Variants in TCERG1L observed in about 807,000 individuals in gnomAD.
TCERG1L encodes transcription elongation regulator 1-like protein.
A neutral mutation model predicts 56.3 loss-of-function variants in TCERG1L; 37 were observed. That is an observed-to-expected ratio of 0.66 (90% CI 0.51 to 0.87). TCERG1L has a LOEUF of 0.87. Ranked by LOEUF, TCERG1L falls within the 40% of genes least tolerant of loss-of-function variation. The probability of loss-of-function intolerance (pLI) is 0.00; values close to 1 mark genes in which losing one functional copy is unlikely to be tolerated. For missense variants in TCERG1L, 799 were observed against 774.2 expected (o/e 1.03, Z -0.38); for synonymous variants, 324 against 326.3 (o/e 0.99, Z 0.08).
intron 5 of TCERG1L, among the ~76,000 whole-genome samples, chr10:131,165,169 C>T (rs4751335): frequency 0.42 from 63,488 of 152,038 alleles, 14,178 homozygotes; most frequent in Non-Finnish European, 0.51. Context: ...AGTGAAGCTG[C>T]GTCTTGGTGA....
chr10:131,251,843 T>C (rs972223871), intron 4 of TCERG1L, among the ~76,000 whole-genome samples: 2 of 152,196 alleles, frequency 1.3e-5, no homozygotes, highest in African/African-American at 4.8e-5. Context: ...ATTAAACACA[T>C]TGGCAGTACT....
intron 4 of TCERG1L, among the ~76,000 whole-genome samples, chr10:131,189,597 T>A (rs1845283312): frequency 2.0e-5 from 3 of 152,234 alleles, no homozygotes; most frequent in Admixed American, 2.0e-4. Flanking sequence ...GACACTTAGG[T>A]TGATTCCATA....
At chr10:131,110,385 G>A (rs1013727409) in intron 9 of TCERG1L, among the ~76,000 whole-genome samples, 2 of 152,156 alleles carry the variant, frequency 1.3e-5, no homozygotes, top group Non-Finnish European at 2.9e-5. Flanking sequence ...TCAGCTGAGT[G>A]CTTGTGGCCC....
At chr10:131,114,847 C>T (rs979310435) in intron 9 of TCERG1L, among the ~76,000 whole-genome samples, 7 of 152,210 alleles carry the variant, frequency 4.6e-5, no homozygotes, top group African/African-American at 7.2e-5. Flanking sequence ...CAAATGTTCA[C>T]GATGCCATCA....
chr10:131,254,390 G>GC (rs58260491), intron 4 of TCERG1L, among the ~76,000 whole-genome samples: 151,590 of 151,590 alleles, frequency 1, 75,795 homozygotes, highest in Non-Finnish European at 1. Context: ...TCACTATGTT[G>GC]CTAGGCTGGA....
chr10:131,104,481 G>T, intron 9 of TCERG1L, 127 bp from the exon 10 acceptor site: 1 of 635,022 alleles, frequency 1.6e-6, no homozygotes, highest in Non-Finnish European at 2.8e-6. Context: ...TAGATTCCGT[G>T]ATGTGGTGCA....
intron 3 of TCERG1L, among the ~76,000 whole-genome samples, chr10:131,277,507 T>A (rs879591816): frequency 7.2e-5 from 11 of 152,176 alleles, no homozygotes; most frequent in Admixed American, 1.3e-4. Flanking sequence ...AGCACACTGA[T>A]GCCCACAGTC....
chr10:131,179,166 C>G (rs1845143506), intron 4 of TCERG1L, among the ~76,000 whole-genome samples: 1 of 152,230 alleles, frequency 6.6e-6, no homozygotes, highest in Non-Finnish European at 1.5e-5. Flanking sequence ...GTGAGCAGCA[C>G]TTCCTGCCCA....
At position 131,166,781 on chromosome 10, in the gene TCERG1L, G is replaced by A. The variant is rs777787884; in HGVS notation, c.945+16C>T. 1.2e-5 allele frequency: 19 copies of A among 1,613,302 alleles called. No individual in the cohort carries two copies. The highest frequency in any genetic ancestry group is 9.9e-5 in the South Asian group (9 of 91,020). The stretch of plus-strand genomic sequence containing the variant: ...GGTTTTGTGTCTTTAACACACACAC[G>A]AGCCCCGAAACTGACCTTGTCTTCT... On this transcript the variant is annotated intron_variant, in intron 5 of 11. Coordinates refer to ENST00000368642, the MANE Select transcript of TCERG1L (RefSeq NM_174937.4).
chr10:131,306,137 C>T (rs1846816369), intron 3 of TCERG1L, among the ~76,000 whole-genome samples: 1 of 152,120 alleles, frequency 6.6e-6, no homozygotes, highest in Admixed American at 6.5e-5. Context: ...CACTTGTCCC[C>T]GTTCTTATCC....
Position 131,189,305 on chromosome 10 carries a change from C to T in TCERG1L, c.857-22420G>A, listed in dbSNP as rs566955661. Among the ~76,000 whole-genome samples the T allele has an allele frequency of 2.1e-3, 318 of 152,282 alleles. 2 individuals carry two copies. Among genetic ancestry groups the T allele is most frequent in the African/African-American group, 7.4e-3 (306 of 41,556 alleles). On this transcript the variant is annotated intron_variant, in intron 4 of 11. Coordinates refer to ENST00000368642, the MANE Select transcript of TCERG1L (RefSeq NM_174937.4). ...CAAATAACACACAGTGTGCCCATTA[C>T]ATAACTTCCAATTATCCATCCCTCC...
chr10:131,176,194 T>G (rs935831440), intron 4 of TCERG1L, among the ~76,000 whole-genome samples: 1 of 152,120 alleles, frequency 6.6e-6, no homozygotes, highest in African/African-American at 2.4e-5. Context: ...GACCAGGGCC[T>G]CTGGTGCCCA....
chr10:131,201,185 G>A (rs190127685), intron 4 of TCERG1L, among the ~76,000 whole-genome samples: 145 of 152,280 alleles, frequency 9.5e-4, no homozygotes, highest in African/African-American at 3.2e-3. Flanking sequence ...CCCACCACCC[G>A]CATAGCTGGC....
At chr10:131,137,002 T>C (rs1215919601) in intron 7 of TCERG1L, among the ~76,000 whole-genome samples, 1 of 151,624 alleles carries the variant, frequency 6.6e-6, no homozygotes, top group East Asian at 2.0e-4. Flanking sequence ...TAGCCGGGTG[T>C]GGTGGCAGGT....
intron 3 of TCERG1L, among the ~76,000 whole-genome samples, chr10:131,270,885 C>T (rs1318463521): frequency 6.6e-6 from 1 of 152,184 alleles, no homozygotes; most frequent in African/African-American, 2.4e-5. Context: ...TCCCACCCTG[C>T]CAGGCTGGGG....
At chr10:131,117,953 C>T (rs1845475590) in intron 8 of TCERG1L, among the ~76,000 whole-genome samples, 1 of 152,214 alleles carries the variant, frequency 6.6e-6, no homozygotes, top group South Asian at 2.1e-4. Flanking sequence ...CCAACCCTGG[C>T]CCTGCCTGGG....
intron 7 of TCERG1L, among the ~76,000 whole-genome samples, chr10:131,143,396 G>T (rs1024138083): frequency 1.3e-5 from 2 of 152,124 alleles, no homozygotes; most frequent in Admixed American, 1.3e-4. Context: ...AGAGGCCAGG[G>T]TATGTATTCC....
At chr10:131,255,761 G>C (rs1033814544) in intron 4 of TCERG1L, among the ~76,000 whole-genome samples, 1 of 152,250 alleles carries the variant, frequency 6.6e-6, no homozygotes, top group African/African-American at 2.4e-5. Flanking sequence ...GGTCCCAGGA[G>C]CATCGTTTTC....
At chr10:131,106,819 A>C (rs901698076) in intron 9 of TCERG1L, among the ~76,000 whole-genome samples, 1 of 152,206 alleles carries the variant, frequency 6.6e-6, no homozygotes, top group South Asian at 2.1e-4. Flanking sequence ...CACATGCTTT[A>C]TTTGTATATT....
Sources: gnomAD v4.1 joint callset for allele counts (sites outside exome capture counted in the v4.1 genomes callset) on GRCh38, gnomAD v4.1.1 for gene constraint, MANE v1.5 for transcripts, NCBI Gene and HGNC (gene_info 2026-07-23, HGNC 2026-07-21) for gene names.